INCA1: variants seen among roughly 807,000 people sequenced by gnomAD.
INCA1 encodes inhibitor of CDK, cyclin A1 interacting protein 1.
A neutral mutation model predicts 25.7 loss-of-function variants in INCA1; 28 were observed. The ratio of observed to expected loss-of-function variants is 1.09; its 90% confidence interval spans 0.81 to 1.49. INCA1 has a LOEUF of 1.49. Ranked by LOEUF, INCA1 falls within the 40% of genes most tolerant of loss-of-function variation. The probability of loss-of-function intolerance (pLI) is 0.00; values close to 1 mark genes in which losing one functional copy is unlikely to be tolerated. For missense variants in INCA1, 309 were observed against 290.9 expected (o/e 1.06, Z -0.45); for synonymous variants, 111 against 103.6 (o/e 1.07, Z -0.43).
At position 4,994,495 on chromosome 17, in the gene INCA1, G is replaced by A. The variant is rs868577857; in HGVS notation, c.-38-20C>T. ...TTGGTGCTGGGAGGATAATGGAAAA[G>A]AAGTCATTCATTCGGGCTGGATGTG... On this transcript the variant is annotated intron_variant, in intron 1 of 6. Coordinates refer to ENST00000576820, the Ensembl canonical transcript of INCA1. 1.3e-6 allele frequency: 2 copies of A among 1,588,698 alleles called. No individual in the cohort carries two copies. Among genetic ancestry groups the A allele is most frequent in the African/African-American group, 1.3e-5 (1 of 74,520 alleles).
exon 7 of INCA1, chr17:4,988,351 A>C (rs1973513359): frequency 2.0e-6 from 3 of 1,534,866 alleles, no homozygotes; most frequent in African/African-American, 2.8e-5. Context: ...TAGTGACGGA[A>C]CTAGTCTTGG....
intron 3 of INCA1, 95 bp from the exon 4 acceptor site, chr17:4,990,024 A>T (rs1461154955): frequency 6.2e-7 from 1 of 1,611,886 alleles, no homozygotes; most frequent in Non-Finnish European, 8.5e-7. Flanking sequence ...TTCTGTCATT[A>T]GGAGCTACAA....
chr17:4,994,488 T>C lies in INCA1; in HGVS notation c.-38-13A>G, dbSNP rs1974095381. The stretch of plus-strand genomic sequence containing the variant: ...CTCCTTTTTGGTGCTGGGAGGATAA[T>C]GGAAAAGAAGTCATTCATTCGGGCT... On this transcript the variant is annotated splice_polypyrimidine_tract_variant and intron_variant, in intron 1 of 6. Coordinates refer to ENST00000576820, the Ensembl canonical transcript of INCA1. The C allele has an allele frequency of 6.3e-7, 1 of 1,599,406 alleles. No homozygotes were observed. Among genetic ancestry groups the C allele is most frequent in the Non-Finnish European group, 8.6e-7 (1 of 1,167,466 alleles).
At chr17:4,994,324 G>C (rs1974078120) in intron 2 of INCA1, 70 bp downstream of exon 2, 2 of 1,420,036 alleles carry the variant, frequency 1.4e-6, no homozygotes, top group Non-Finnish European at 9.9e-7. Flanking sequence ...AATCCTCTTA[G>C]GGAAGGACCC....
intron 2 of INCA1, 58 bp from the exon 3 acceptor site, chr17:4,990,323 T>C: frequency 6.5e-7 from 1 of 1,543,848 alleles, no homozygotes; most frequent in Non-Finnish European, 8.7e-7. Flanking sequence ...AGTCTACTCA[T>C]CCCAAGGATT....
At chr17:4,994,511 G>T in intron 1 of INCA1, 36 bp from the exon 2 acceptor site, 1 of 1,538,300 alleles carries the variant, frequency 6.5e-7, no homozygotes, top group Non-Finnish European at 9.0e-7. Flanking sequence ...ATTCATTCGG[G>T]CTGGATGTGG....
intron 2 of INCA1, among the ~76,000 whole-genome samples, chr17:4,991,287 T>C (rs1973858565): frequency 1.3e-5 from 2 of 152,252 alleles, no homozygotes; most frequent in African/African-American, 2.4e-5. Flanking sequence ...AGGCCGCAGG[T>C]TGGACAAGCT....
intron 1 of INCA1, 54 bp from the exon 2 acceptor site, chr17:4,994,529 C>G: frequency 1.4e-6 from 2 of 1,392,628 alleles, no homozygotes; most frequent in South Asian, 2.3e-5. Flanking sequence ...TGGTGGCTCA[C>G]GCCTGTAATC....
chr17:4,991,218 T>A (rs1432713296), intron 2 of INCA1, among the ~76,000 whole-genome samples: 3 of 152,124 alleles, frequency 2.0e-5, no homozygotes, highest in Admixed American at 6.6e-5. Flanking sequence ...GTGCCCGGCC[T>A]AATCTCAACG....
chr17:4,991,817 A>G (rs1973893998), intron 2 of INCA1, among the ~76,000 whole-genome samples: 1 of 152,114 alleles, frequency 6.6e-6, no homozygotes, highest in Non-Finnish European at 1.5e-5. Flanking sequence ...CTCACCTCCC[A>G]CATCTAATCC....
At chr17:4,990,350 A>T in intron 2 of INCA1, 85 bp from the exon 3 acceptor site, 1 of 1,469,750 alleles carries the variant, frequency 6.8e-7, no homozygotes, top group South Asian at 1.4e-5. Flanking sequence ...CCATCTTTCC[A>T]TGGGACTATA....
intron 1 of INCA1, 33 bp from the exon 2 acceptor site, chr17:4,994,508 C>G: frequency 6.4e-7 from 1 of 1,551,024 alleles, no homozygotes; most frequent in Non-Finnish European, 8.9e-7. Flanking sequence ...GTCATTCATT[C>G]GGGCTGGATG....
chr17:4,989,698 T>C, intron 4 of INCA1, 74 bp from the exon 5 acceptor site: 2 of 1,582,504 alleles, frequency 1.3e-6, no homozygotes, highest in Admixed American at 1.7e-5. Flanking sequence ...TTGAACTAGG[T>C]AGGGAGTCTG....
intron 1 of INCA1, among the ~76,000 whole-genome samples, chr17:4,996,536 G>A (rs889383147): frequency 6.6e-6 from 1 of 151,618 alleles, no homozygotes; most frequent in Non-Finnish European, 1.5e-5. Context: ...ACAAAAATTA[G>A]CCGGGTGTGG....
chr17:4,990,245 C>T lies in INCA1; in HGVS notation c.65G>A (p.Arg22Gln), dbSNP rs866146733. Reference sequence around the variant, plus strand: ...GGAAGGCAACCTTGGGGGTGGAGATCGGCTGACCACCCTGGAACACCTGAG... The same window carrying T: ...GGAAGGCAACCTTGGGGGTGGAGATTGGCTGACCACCCTGGAACACCTGAG... Residue 22 changes from arginine to glutamine, a missense_variant, in exon 3 of 7, where the codon CGA becomes CAA. Transcript: ENST00000576820. The T allele has an allele frequency of 4.7e-5, 76 of 1,613,652 alleles. No individual in the cohort carries two copies. In the South Asian group the frequency reaches 4.7e-4, roughly 10 times the overall value.
chr17:4,997,253 G>C (rs1386526928), upstream of INCA1: 1 of 152,260 alleles, frequency 6.6e-6, no homozygotes, highest in Non-Finnish European at 1.5e-5. Flanking sequence ...CCCCGCCCGA[G>C]GGCACGACTG....
At chr17:4,993,918 A>G (rs903823456) in intron 2 of INCA1, among the ~76,000 whole-genome samples, 1 of 151,376 alleles carries the variant, frequency 6.6e-6, no homozygotes, top group African/African-American at 2.4e-5. Flanking sequence ...ATTACAGGCG[A>G]GCACCACCAT....
downstream of INCA1, chr17:4,988,152 A>G: frequency 2.6e-6 from 1 of 384,750 alleles, no homozygotes; most frequent in Non-Finnish European, 4.6e-6. Context: ...CTTTTTAATA[A>G]CAGAGCAGAG....
chr17:4,990,517 G>A (rs1597807044), intron 2 of INCA1, among the ~76,000 whole-genome samples: 1 of 152,090 alleles, frequency 6.6e-6, no homozygotes. Context: ...GCTCTATATC[G>A]GGGATGTCCA....
Sources: allele counts gnomAD v4.1 joint callset (sites outside exome capture counted in the v4.1 genomes callset), GRCh38; gene constraint gnomAD v4.1.1; transcripts MANE v1.5; gene names NCBI Gene and HGNC (gene_info 2026-07-23, HGNC 2026-07-21).